PHF24: variants seen among roughly 807,000 people sequenced by gnomAD.
The protein encoded by PHF24 is PHD finger protein 24.
Under a neutral mutation model 42.6 loss-of-function variants are expected in PHF24, and 25 were observed. The observed-to-expected ratio is 0.59, with a 90% CI of 0.43 to 0.82. The LOEUF (loss-of-function observed/expected upper bound fraction) is 0.82. Among genes scored for constraint, PHF24 ranks in the 40% least tolerant of loss-of-function variants. PHF24 has a pLI of 0.00. For synonymous variants in PHF24, 185 were observed against 204.8 expected (o/e 0.90, Z 0.83); for missense variants, 470 against 538.1 (o/e 0.87, Z 1.25).
At chr9:34,886,746 A>ATCTGTCTGTCTGTCTG in the PHF24 span, among the ~76,000 whole-genome samples, 1,972 of 119,946 alleles carry the variant, frequency 0.016, 23 homozygotes, top group East Asian at 0.053. Context: ...ATATCTATCT[A>ATCTGTCTGTCTGTCTG]TCTATCTATC....
the PHF24 span, among the ~76,000 whole-genome samples, chr9:34,777,695 A>G: frequency 6.6e-6 from 1 of 152,202 alleles, no homozygotes; most frequent in Admixed American, 6.5e-5. Context: ...GTGGTAGCCC[A>G]TGGTAGCTGG....
the PHF24 span, among the ~76,000 whole-genome samples, chr9:34,721,871 A>G: frequency 6.6e-6 from 1 of 152,202 alleles, no homozygotes; most frequent in Non-Finnish European, 1.5e-5. Context: ...TCTCTCCTTG[A>G]AAAACATTTT....
At chr9:34,784,940 TTTTAA>T in the PHF24 span, among the ~76,000 whole-genome samples, 1 of 152,236 alleles carries the variant, frequency 6.6e-6, no homozygotes, top group African/African-American at 2.4e-5. Context: ...AAGTGTTTGG[TTTTAA>T]TTTAATTTTG....
the PHF24 span, chr9:34,889,069 G>A: frequency 2.5e-6 from 1 of 398,408 alleles, no homozygotes; most frequent in African/African-American, 2.1e-5. Flanking sequence ...GTGGCTCTTT[G>A]CTTAAAGGTA....
At chr9:34,890,167 T>C in the PHF24 span, among the ~76,000 whole-genome samples, 1 of 152,308 alleles carries the variant, frequency 6.6e-6, no homozygotes, top group East Asian at 1.9e-4. Context: ...ATTTGGCAAG[T>C]TGTGAGCTCT....
chr9:34,686,647 A>C, the PHF24 span, among the ~76,000 whole-genome samples: 1 of 152,148 alleles, frequency 6.6e-6, no homozygotes, highest in Non-Finnish European at 1.5e-5. Context: ...TTTTAGGGAG[A>C]TATTGGCTGC....
chr9:34,922,104 A>T, the PHF24 span: 7 of 1,226,868 alleles, frequency 5.7e-6, no homozygotes, highest in Non-Finnish European at 8.2e-6. Flanking sequence ...ATTGTAAACA[A>T]CTATTTGTGG....
chr9:34,885,526 G>C, the PHF24 span, among the ~76,000 whole-genome samples: 1 of 152,080 alleles, frequency 6.6e-6, no homozygotes, highest in East Asian at 1.9e-4. Flanking sequence ...GTTGGAAGCA[G>C]AATGCAAAGG....
the PHF24 span, among the ~76,000 whole-genome samples, chr9:34,875,171 GA>G: frequency 6.6e-6 from 1 of 151,926 alleles, no homozygotes; most frequent in East Asian, 1.9e-4. Context: ...CAATTTATTT[GA>G]TTTTTAGATT....
chr9:34,832,653 C>T, the PHF24 span: 1 of 1,539,600 alleles, frequency 6.5e-7, no homozygotes, highest in Non-Finnish European at 8.8e-7. Flanking sequence ...CTCCAGAAAA[C>T]ATTTAATTTT....
chr9:34,675,534 C>T, the PHF24 span, among the ~76,000 whole-genome samples: 1 of 152,208 alleles, frequency 6.6e-6, no homozygotes, highest in East Asian at 1.9e-4. Flanking sequence ...CTTGGCTCTG[C>T]AGTCCCAGAG....
chr9:34,948,097 G>A, the PHF24 span, among the ~76,000 whole-genome samples: 7 of 146,096 alleles, frequency 4.8e-5, no homozygotes, highest in East Asian at 1.2e-3. Flanking sequence ...TGACAAGAGC[G>A]AGACTCCGTC....
chr9:34,870,117 T>C, the PHF24 span, among the ~76,000 whole-genome samples: 2 of 152,060 alleles, frequency 1.3e-5, no homozygotes, highest in African/African-American at 4.8e-5. Flanking sequence ...TACAAAAAGC[T>C]TGCATATGCC....
chr9:34,962,957 TCTGTTC>T lies in PHF24; in HGVS notation c.-5+4559_-5+4564del, dbSNP rs1428597443. Reference sequence around the variant, plus strand: ...AAAGACAGTTTTTCTGTCTAGCCTTTCTGTTCCTTGGAAACCCCAGAAAAGCCCCAT... The same window carrying T: ...AAAGACAGTTTTTCTGTCTAGCCTTTCTTGGAAACCCCAGAAAAGCCCCAT... On this transcript the variant is annotated intron_variant, in intron 1 of 7. Transcript: ENST00000242315. Among the ~76,000 whole-genome samples, 3 of 152,362 alleles carry T rather than the reference TCTGTTC, an allele frequency of 2.0e-5. No homozygotes were observed. In the East Asian group the frequency reaches 5.8e-4, roughly 29 times the overall value.
the PHF24 span, among the ~76,000 whole-genome samples, chr9:34,770,003 T>C: frequency 5.9e-5 from 9 of 152,114 alleles, no homozygotes; most frequent in East Asian, 3.9e-4. Context: ...TAGAACCTTA[T>C]TGAGAGGAAA....
the PHF24 span, chr9:34,724,437 G>A: frequency 6.4e-7 from 1 of 1,551,326 alleles, no homozygotes. Flanking sequence ...TCCCCTTGGT[G>A]GTTTAGACTT....
At chr9:34,959,466 T>G (rs918287215) in intron 1 of PHF24, among the ~76,000 whole-genome samples, 1 of 152,228 alleles carries the variant, frequency 6.6e-6, no homozygotes, top group Non-Finnish European at 1.5e-5. Context: ...AAAATGTTTT[T>G]CAAATTTTAT....
the PHF24 span, among the ~76,000 whole-genome samples, chr9:34,741,011 G>C: frequency 6.6e-6 from 1 of 151,774 alleles, no homozygotes; most frequent in Admixed American, 6.6e-5. Flanking sequence ...TCAGCCTCCC[G>C]AGTAGCTGGA....
chr9:34,804,782 G>A, the PHF24 span, among the ~76,000 whole-genome samples: 1 of 152,128 alleles, frequency 6.6e-6, no homozygotes, highest in South Asian at 2.1e-4. Context: ...GTGGTTTCTG[G>A]CATATTCAGA....
Sources: gnomAD v4.1 joint callset for allele counts (sites outside exome capture counted in the v4.1 genomes callset) on GRCh38, gnomAD v4.1.1 for gene constraint, MANE v1.5 for transcripts, NCBI Gene and HGNC (gene_info 2026-07-23, HGNC 2026-07-21) for gene names.